Variants in MYO9A observed in about 807,000 individuals in gnomAD.
MYO9A encodes myosin IXA, also known as unconventional myosin-IXa.
MYO9A carries 103 observed loss-of-function variants against 293.3 expected under a neutral mutation model. That is an observed-to-expected ratio of 0.35 (90% CI 0.30 to 0.41). The LOEUF (loss-of-function observed/expected upper bound fraction) is 0.41, where lower values mean the gene tolerates loss of function less well. MYO9A is among the 10% of genes least tolerant of loss of function. The pLI is 1.00. For synonymous variants in MYO9A, 1,001 were observed against 1,035.7 expected (o/e 0.97, Z 0.64); for missense variants, 2,685 against 3,033.0 (o/e 0.89, Z 2.69).
In MYO9A at chr15:71,823,999, G is replaced by GT. The variant is rs919421108; in HGVS notation, c.*2580dup. ...GCAGACACAGCGTTTGGTTCTGAAG[G>GT]TTTTTAAGAGTTATGGCTTCATCTC... On this transcript the variant is annotated 3_prime_UTR_variant, in exon 42 of 42. Coordinates refer to ENST00000356056, the MANE Select transcript of MYO9A (RefSeq NM_006901.4). 3.3e-5 allele frequency: 5 copies of GT among 152,204 alleles called. No individual in the cohort carries two copies. Among genetic ancestry groups the GT allele is most frequent in the African/African-American group, 9.7e-5 (4 of 41,444 alleles). The allele number at this position is 152,204 out of a possible 1,614,324, so 9.4% of individuals were successfully genotyped here.
In MYO9A at chr15:71,898,592, C is replaced by T. The variant is rs1428481916; in HGVS notation, c.3911G>A (p.Arg1304His). The change falls in exon 25 of 42, where the codon CGC becomes CAC. Residue 1304 changes from arginine (R) to histidine (H), a missense_variant. Around this residue, in one of 10 missense-constraint regions of MYO9A, gnomAD observed 1,434 missense variants for 1,497.7 expected, o/e 0.96. Coordinates refer to ENST00000356056, the MANE Select transcript of MYO9A (RefSeq NM_006901.4). ...SLGGISPSEDRRWSTELVPEG... is the reference protein window; with the variant it reads ...SLGGISPSEDHRWSTELVPEG... The stretch of plus-strand genomic sequence containing the variant: ...AGGCACCAATTCTGTAGACCATCTG[C>T]GATCCTCTGAAGGAGAAATACCACC... The T allele has an allele frequency of 9.3e-6, 15 of 1,613,962 alleles. No homozygotes were observed. The highest frequency in any genetic ancestry group is 2.7e-5 in the African/African-American group (2 of 74,922).
chr15:71,869,036 T>G (rs1416280066), intron 32 of MYO9A, among the ~76,000 whole-genome samples: 1 of 151,164 alleles, frequency 6.6e-6, no homozygotes, highest in East Asian at 2.0e-4. Flanking sequence ...GAGCAAAAAT[T>G]CAACTAATAA....
intron 12 of MYO9A, among the ~76,000 whole-genome samples, chr15:71,972,884 T>C (rs552447528): frequency 4.4e-4 from 67 of 152,180 alleles, no homozygotes; most frequent in Non-Finnish European, 8.4e-4. Context: ...AATTTAGAGA[T>C]GGTTCCAACT....
intron 12 of MYO9A, among the ~76,000 whole-genome samples, chr15:71,974,851 A>T (rs1458232480): frequency 6.6e-6 from 1 of 152,228 alleles, no homozygotes; most frequent in Non-Finnish European, 1.5e-5. Flanking sequence ...TGCAATCTAA[A>T]CCAGCACAGT....
At chr15:71,932,307 T>A (rs2058500510) in intron 18 of MYO9A, among the ~76,000 whole-genome samples, 1 of 152,096 alleles carries the variant, frequency 6.6e-6, no homozygotes, top group Non-Finnish European at 1.5e-5. Context: ...TTATTTGTTT[T>A]CAGTGGTCTA....
rs2054382126 is a variant in MYO9A, at chr15:71,824,329, C to CTTA, written c.*2248_*2250dup. Reference sequence around the variant, plus strand: ...CAGTCGTTTTTTAACTGCCAAAAAACTTATTTTGCCAAAAAAGCCCCACAA... The same window carrying CTTA: ...CAGTCGTTTTTTAACTGCCAAAAAACTTATTATTTTGCCAAAAAAGCCCCACAA... On this transcript the variant is annotated 3_prime_UTR_variant, in exon 42 of 42. Transcript: ENST00000356056. 1.3e-5 allele frequency: 2 copies of CTTA among 152,028 alleles called. No individual in the cohort carries two copies. Among genetic ancestry groups the CTTA allele is most frequent in the Non-Finnish European group, 2.9e-5 (2 of 68,004 alleles). The allele number at this position is 152,028 out of a possible 1,614,324, so 9.4% of individuals were successfully genotyped here.
chr15:71,930,472 C>T (rs551933315), intron 18 of MYO9A, among the ~76,000 whole-genome samples: 1 of 152,240 alleles, frequency 6.6e-6, no homozygotes, highest in East Asian at 1.9e-4. Context: ...TTTATCTCAT[C>T]TACAGTTTTT....
chr15:72,081,372 AGTGT>A (rs942511275), intron 1 of MYO9A, among the ~76,000 whole-genome samples: 3 of 152,196 alleles, frequency 2.0e-5, no homozygotes, highest in Non-Finnish European at 4.4e-5. Flanking sequence ...TCATTTGAAA[AGTGT>A]GTGTTCATGT....
At chr15:71,879,525 T>C (rs532199645) in intron 30 of MYO9A, among the ~76,000 whole-genome samples, 196 bp downstream of exon 30, 1 of 152,282 alleles carries the variant, frequency 6.6e-6, no homozygotes, top group East Asian at 1.9e-4. Flanking sequence ...TCAAGGGAGC[T>C]TTTAATCTGA....
intron 15 of MYO9A, among the ~76,000 whole-genome samples, chr15:71,944,612 A>T (rs1388538490): frequency 6.6e-6 from 1 of 152,014 alleles, no homozygotes; most frequent in Non-Finnish European, 1.5e-5. Context: ...ACTATCCCTT[A>T]CCCCCACTAA....
At chr15:71,858,845 A>G (rs1290714504) in intron 34 of MYO9A, among the ~76,000 whole-genome samples, 1 of 151,544 alleles carries the variant, frequency 6.6e-6, no homozygotes, top group Non-Finnish European at 1.5e-5. Flanking sequence ...TCTAGAACTT[A>G]AAGTATAATA....
At chr15:71,933,830 G>T in intron 17 of MYO9A, 121 bp from the exon 18 acceptor site, 1 of 787,960 alleles carries the variant, frequency 1.3e-6, no homozygotes, top group Non-Finnish European at 2.1e-6. Context: ...CCATTACCAA[G>T]ACTGTAGGTT....
chr15:72,037,320 T>C (rs2078083820), intron 2 of MYO9A, among the ~76,000 whole-genome samples: 1 of 144,224 alleles, frequency 6.9e-6, no homozygotes, highest in African/African-American at 2.6e-5. Flanking sequence ...GTGAATAATA[T>C]GTACAAAGGG....
rs1017020679 is a variant in MYO9A, at chr15:71,846,450, T to C, written c.6837+2395A>G. Among the ~76,000 whole-genome samples the C allele has an allele frequency of 5.9e-5, 9 of 152,202 alleles. No homozygotes were observed. The East Asian group carries it at 1.7e-3, about 29-fold the overall frequency. ...TTTTAAGTTCCAGATAAAGGTCTAG[T>C]CTGCCCTGGGAGGAAGTGAGAAGAG... On this transcript the variant is annotated intron_variant, in intron 39 of 41. Coordinates refer to ENST00000356056, the MANE Select transcript of MYO9A (RefSeq NM_006901.4).
chr15:72,050,647 A>AT (rs79114329), intron 1 of MYO9A, among the ~76,000 whole-genome samples: 4 of 151,682 alleles, frequency 2.6e-5, no homozygotes, highest in South Asian at 4.2e-4. Context: ...AACAAACAAA[A>AT]TTTTTTTTTA....
chr15:71,878,308 T>C (rs1394272167), intron 30 of MYO9A, 77 bp from the exon 31 acceptor site: 2 of 992,592 alleles, frequency 2.0e-6, no homozygotes, highest in African/African-American at 3.3e-5. Context: ...ACACTTGTAA[T>C]GGGGTAGTAT....
intron 2 of MYO9A, among the ~76,000 whole-genome samples, chr15:72,033,618 G>T (rs562838429): frequency 6.6e-6 from 1 of 152,324 alleles, no homozygotes; most frequent in South Asian, 2.1e-4. Context: ...AAGCAGATCA[G>T]CGGTTATCTG....
At chr15:72,065,510 C>A (rs1199922055) in intron 1 of MYO9A, among the ~76,000 whole-genome samples, 1 of 141,332 alleles carries the variant, frequency 7.1e-6, no homozygotes, top group African/African-American at 2.6e-5. Flanking sequence ...AGCAAAACTC[C>A]GTCTCAAAAA....
At chr15:71,882,003 C>T (rs192162999) in intron 28 of MYO9A, among the ~76,000 whole-genome samples, 18 of 152,270 alleles carry the variant, frequency 1.2e-4, no homozygotes, top group African/African-American at 4.3e-4. Context: ...GAAGCAAAGC[C>T]ATAAGATACA....
Sources: allele counts gnomAD v4.1 joint callset (sites outside exome capture counted in the v4.1 genomes callset), GRCh38; gene constraint gnomAD v4.1.1; regional missense constraint gnomAD v4.1.1; transcripts MANE v1.5; gene names NCBI Gene and HGNC (gene_info 2026-07-23, HGNC 2026-07-21).